Variants in SHB observed in about 807,000 individuals in gnomAD.
SHB encodes SH2 domain-containing adapter protein B.
SHB carries 20 observed loss-of-function variants against 52.3 expected under a neutral mutation model. That is an observed-to-expected ratio of 0.38 (90% CI 0.27 to 0.56). The LOEUF is 0.56. Ranked by LOEUF, SHB falls within the 20% of genes least tolerant of loss-of-function variation. The pLI is 0.71. For synonymous variants in SHB, 397 were observed against 316.5 expected, an observed-to-expected ratio of 1.25 and a Z score of -2.70; for missense variants, 825 against 723.3, an observed-to-expected ratio of 1.14 and a Z score of -1.61.
chr9:38,031,897 CT>C (rs1486713766), intron 1 of SHB, among the ~76,000 whole-genome samples: 1 of 152,240 alleles, frequency 6.6e-6, no homozygotes, highest in South Asian at 2.1e-4. Flanking sequence ...CTTTGATCCA[CT>C]GCTGATGAGT....
intron 1 of SHB, among the ~76,000 whole-genome samples, chr9:38,031,172 T>C (rs747371635): frequency 5.9e-5 from 9 of 151,944 alleles, no homozygotes; most frequent in Admixed American, 1.3e-4. Flanking sequence ...AATACAAAAA[T>C]TAGCTGGGCG....
At chr9:38,019,661 C>A (rs1336321091) in intron 1 of SHB, among the ~76,000 whole-genome samples, 1 of 152,226 alleles carries the variant, frequency 6.6e-6, no homozygotes. Context: ...GGTGGAGACA[C>A]TTACAAGGGT....
At chr9:37,930,343 C>T (rs928856408) in intron 5 of SHB, among the ~76,000 whole-genome samples, 3 of 151,600 alleles carry the variant, frequency 2.0e-5, no homozygotes, top group South Asian at 2.1e-4. Flanking sequence ...GCCTCTATTG[C>T]GGAGGATTCT....
intron 1 of SHB, among the ~76,000 whole-genome samples, chr9:38,040,446 G>A (rs560442083): frequency 2.0e-5 from 3 of 152,316 alleles, no homozygotes; most frequent in Non-Finnish European, 4.4e-5. Context: ...CGGCACCCAT[G>A]CAGTGCAGTG....
At chr9:37,944,575 G>A (rs947796112) in intron 5 of SHB, among the ~76,000 whole-genome samples, 1 of 152,206 alleles carries the variant, frequency 6.6e-6, no homozygotes, top group African/African-American at 2.4e-5. Flanking sequence ...TGGCTCTGCT[G>A]TGGACCCTGG....
At chr9:37,942,380 T>C (rs1832444672) in intron 5 of SHB, among the ~76,000 whole-genome samples, 1 of 152,224 alleles carries the variant, frequency 6.6e-6, no homozygotes, top group Non-Finnish European at 1.5e-5. Flanking sequence ...GGTCTAGTCA[T>C]AGAACCCTTA....
chr9:37,945,067 T>C (rs1444907095), intron 5 of SHB, among the ~76,000 whole-genome samples: 1 of 151,928 alleles, frequency 6.6e-6, no homozygotes, highest in Non-Finnish European at 1.5e-5. Flanking sequence ...GAGGGAAGGG[T>C]GCACGGGGTG....
chr9:38,057,010 G>A (rs764444001), intron 1 of SHB, among the ~76,000 whole-genome samples: 1 of 152,204 alleles, frequency 6.6e-6, no homozygotes, highest in Non-Finnish European at 1.5e-5. Context: ...AACTTGTAAG[G>A]TCTTTCTAGA....
At chr9:38,031,323 A>AAAAAC (rs1247287813) in intron 1 of SHB, among the ~76,000 whole-genome samples, 5 of 152,240 alleles carry the variant, frequency 3.3e-5, no homozygotes, top group Non-Finnish European at 7.3e-5. Flanking sequence ...CTATGTCTCA[A>AAAAAC]AAAACAAAAC....
rs552736482 is a variant in SHB at position 37,987,006 on chromosome 9, T to C, written c.839-12169A>G. Among the ~76,000 whole-genome samples the C allele has an allele frequency of 9.2e-5, 14 of 152,344 alleles. No homozygotes were observed. In the South Asian group the frequency reaches 2.9e-3, roughly 32 times the overall value. On this transcript the variant is annotated intron_variant, in intron 2 of 5. Transcript: ENST00000377707. ...GCCACACTCTAATGAGGTAAAGCCA[T>C]AGGGGACAGGCTTTCACGCCAGACC...
chr9:38,009,863 TTAA>T (rs1432002106), intron 2 of SHB, among the ~76,000 whole-genome samples: 3 of 152,246 alleles, frequency 2.0e-5, no homozygotes, highest in Non-Finnish European at 4.4e-5. Context: ...TAAAGTTGAT[TTAA>T]TAATAAAAAC....
intron 5 of SHB, among the ~76,000 whole-genome samples, chr9:37,932,260 C>T (rs1441729623): frequency 1.2e-4 from 13 of 105,462 alleles, no homozygotes; most frequent in Admixed American, 1.1e-3. Context: ...GTAACAAGAG[C>T]GAAACTCCAT....
At chr9:37,992,587 G>C (rs906607125) in intron 2 of SHB, among the ~76,000 whole-genome samples, 1 of 152,168 alleles carries the variant, frequency 6.6e-6, no homozygotes, top group Non-Finnish European at 1.5e-5. Flanking sequence ...GGAAGACTCG[G>C]GGTGAGCAGG....
rs917766410 is a variant in SHB at position 37,916,793 on chromosome 9, G to A, written c.*3028C>T. ...CAAAGCCTCCTTTCTTTCTGTGGGC[G>A]CCATCCTGTTTGGGGGGCTGCCAGA... On this transcript the variant is annotated 3_prime_UTR_variant, in exon 6 of 6. Coordinates refer to ENST00000377707, the MANE Select transcript of SHB (RefSeq NM_003028.3). 2.6e-5 allele frequency among the ~76,000 whole-genome samples: 4 copies of A among 152,154 alleles called. No individual in the cohort carries two copies. Among genetic ancestry groups the A allele is most frequent in the Non-Finnish European group, 4.4e-5 (3 of 68,022 alleles).
chr9:37,966,812 G>A (rs1156512279), intron 3 of SHB, among the ~76,000 whole-genome samples: 1 of 152,228 alleles, frequency 6.6e-6, no homozygotes, highest in Non-Finnish European at 1.5e-5. Flanking sequence ...CTGAGCACGT[G>A]AAGATGAGTC....
intron 5 of SHB, among the ~76,000 whole-genome samples, chr9:37,944,309 C>T (rs1048160275): frequency 1.3e-5 from 2 of 152,074 alleles, no homozygotes; most frequent in African/African-American, 4.8e-5. Flanking sequence ...GATCCAGGGA[C>T]CTGTCTGGTC....
chr9:38,010,019 C>G (rs989559294), intron 2 of SHB, among the ~76,000 whole-genome samples: 2 of 152,314 alleles, frequency 1.3e-5, no homozygotes, highest in Middle Eastern at 3.4e-3. Flanking sequence ...TTAGTAACAT[C>G]TAAAAAGGCG....
At chr9:37,990,550 T>A (rs1469658426) in intron 2 of SHB, among the ~76,000 whole-genome samples, 1 of 152,208 alleles carries the variant, frequency 6.6e-6, no homozygotes, top group Admixed American at 6.5e-5. Context: ...AAAAAAAATT[T>A]GTGTATTCTA....
chr9:37,980,185 T>C (rs1419976319), intron 2 of SHB, among the ~76,000 whole-genome samples: 2 of 152,374 alleles, frequency 1.3e-5, no homozygotes, highest in East Asian at 1.9e-4. Flanking sequence ...AGATTTCTCT[T>C]AGCGAAAGGC....
Sources: gnomAD v4.1 joint callset for allele counts (sites outside exome capture counted in the v4.1 genomes callset) on GRCh38, gnomAD v4.1.1 for gene constraint, MANE v1.5 for transcripts, NCBI Gene and HGNC (gene_info 2026-07-23, HGNC 2026-07-21) for gene names.